DLEU7: variants seen among roughly 807,000 people sequenced by gnomAD.
The protein encoded by DLEU7 is deleted in lymphocytic leukemia 7, also known as leukemia-associated protein 7.
A neutral mutation model predicts 16.0 loss-of-function variants in DLEU7; 17 were observed. The ratio of observed to expected loss-of-function variants is 1.06; its 90% CI spans 0.73 to 1.59. The LOEUF (loss-of-function observed/expected upper bound fraction) is 1.59. Among genes scored for constraint, DLEU7 ranks in the 40% most tolerant of loss-of-function variants. The pLI, the probability that DLEU7 is intolerant of heterozygous loss-of-function variation, is 0.00. For synonymous variants in DLEU7, 113 were observed against 139.8 expected, an observed-to-expected ratio of 0.81 and a Z score of 1.35; for missense variants, 308 against 314.9, an observed-to-expected ratio of 0.98 and a Z score of 0.17.
intron 1 of DLEU7, among the ~76,000 whole-genome samples, chr13:50,751,058 G>A (rs951486612): frequency 2.0e-5 from 3 of 152,154 alleles, no homozygotes; most frequent in African/African-American, 7.2e-5. Flanking sequence ...TCAGTATTAC[G>A]TTGGCTGTGG....
chr13:50,740,471 C>T (rs1277140496), intron 1 of DLEU7, among the ~76,000 whole-genome samples: 14 of 152,152 alleles, frequency 9.2e-5, no homozygotes, highest in Non-Finnish European at 8.8e-5. Context: ...GGAGTTCTGC[C>T]TACTCCCATG....
At chr13:50,790,960 G>A (rs1261855809) in intron 1 of DLEU7, among the ~76,000 whole-genome samples, 2 of 152,172 alleles carry the variant, frequency 1.3e-5, no homozygotes, top group Admixed American at 1.3e-4. Context: ...AAGGTGGCAG[G>A]GAAGGGGACA....
intron 1 of DLEU7, among the ~76,000 whole-genome samples, chr13:50,714,522 T>C (rs1457038825): frequency 6.6e-6 from 1 of 152,220 alleles, no homozygotes; most frequent in Non-Finnish European, 1.5e-5. Context: ...AAAAAAATAT[T>C]GTTAAAAATG....
intron 1 of DLEU7, among the ~76,000 whole-genome samples, chr13:50,718,865 G>C (rs563185643): frequency 3.0e-4 from 46 of 152,278 alleles, no homozygotes; most frequent in African/African-American, 1.0e-3. Flanking sequence ...TTGTGCACAA[G>C]AACAAGAATC....
chr13:50,750,530 T>A (rs1451524060), intron 1 of DLEU7, among the ~76,000 whole-genome samples: 1 of 152,198 alleles, frequency 6.6e-6, no homozygotes, highest in Admixed American at 6.5e-5. Context: ...TTTGGCAGTA[T>A]GGTCATTTTC....
intron 1 of DLEU7, among the ~76,000 whole-genome samples, chr13:50,747,330 C>CTG (rs1758284662): frequency 1.1e-5 from 1 of 93,814 alleles, no homozygotes; most frequent in Non-Finnish European, 2.1e-5. Flanking sequence ...AAAAGAAAAA[C>CTG]TCTGTGTGTG....
At chr13:50,809,581 C>T (rs1876500479) in intron 1 of DLEU7, among the ~76,000 whole-genome samples, 1 of 152,128 alleles carries the variant, frequency 6.6e-6, no homozygotes, top group Non-Finnish European at 1.5e-5. Flanking sequence ...GGTCAGCCAG[C>T]ATGCAATCTT....
intron 1 of DLEU7, among the ~76,000 whole-genome samples, chr13:50,730,454 G>C (rs1873883829): frequency 6.6e-6 from 1 of 152,168 alleles, no homozygotes; most frequent in South Asian, 2.1e-4. Context: ...TTTTGAGTAA[G>C]TTTAAGAATT....
At chr13:50,759,262 TCTGA>T in intron 1 of DLEU7, among the ~76,000 whole-genome samples, 1 of 152,280 alleles carries the variant, frequency 6.6e-6, no homozygotes, top group Middle Eastern at 3.4e-3. Context: ...CACAAAAATA[TCTGA>T]CTGACATAAC....
At chr13:50,719,589 G>A (rs1694547002) in intron 1 of DLEU7, 1 of 152,084 alleles carries the variant, frequency 6.6e-6, no homozygotes, top group Non-Finnish European at 1.5e-5. Flanking sequence ...ATGTGTATTT[G>A]GGTCCCACCT....
intron 1 of DLEU7, among the ~76,000 whole-genome samples, chr13:50,800,509 C>T (rs148623852): frequency 6.6e-6 from 1 of 152,048 alleles, no homozygotes; most frequent in Non-Finnish European, 1.5e-5. Context: ...ACCTATACCC[C>T]CTGGCATTAA....
At chr13:50,837,693 C>T (rs1877517146) in intron 1 of DLEU7, among the ~76,000 whole-genome samples, 1 of 152,178 alleles carries the variant, frequency 6.6e-6, no homozygotes, top group African/African-American at 2.4e-5. Context: ...CAGAAGCTGG[C>T]TTCACTTGTT....
chr13:50,711,639 T>C (rs935116869), downstream of DLEU7: 1 of 152,232 alleles, frequency 6.6e-6, no homozygotes, highest in African/African-American at 2.4e-5. Flanking sequence ...GTGAATGTTC[T>C]GTTTTTCAAT....
chr13:50,842,962 C>A (rs994640493), intron 1 of DLEU7, among the ~76,000 whole-genome samples: 3 of 151,898 alleles, frequency 2.0e-5, no homozygotes, highest in African/African-American at 7.3e-5. Context: ...CCCCACATCT[C>A]GGTTGTGCCA....
chr13:50,714,651 C>T (rs758793779), intron 1 of DLEU7, among the ~76,000 whole-genome samples: 7 of 152,072 alleles, frequency 4.6e-5, no homozygotes, highest in East Asian at 1.9e-4. Flanking sequence ...TTAATGAGGA[C>T]GGCAAGGATT....
intron 1 of DLEU7, among the ~76,000 whole-genome samples, chr13:50,732,628 C>CAAAAAAAAAAAA (rs1279286062): frequency 1.1e-5 from 1 of 95,078 alleles, no homozygotes; most frequent in African/African-American, 5.6e-5. Context: ...AAAAAAAAAG[C>CAAAAAAAAAAAA]TTATGTGCTT....
intron 1 of DLEU7, among the ~76,000 whole-genome samples, chr13:50,717,287 T>C (rs1428782442): frequency 2.0e-5 from 3 of 152,144 alleles, no homozygotes; most frequent in Non-Finnish European, 4.4e-5. Flanking sequence ...TTTATTGGAT[T>C]TTACCAGGAT....
chr13:50,776,904 G>A (rs751687819), intron 1 of DLEU7, among the ~76,000 whole-genome samples: 1 of 152,098 alleles, frequency 6.6e-6, no homozygotes, highest in Non-Finnish European at 1.5e-5. Context: ...TGGCTTATAG[G>A]TTTTGCTTGT....
chr13:50,736,325 G>A (rs530295084), intron 1 of DLEU7, among the ~76,000 whole-genome samples: 1 of 152,142 alleles, frequency 6.6e-6, no homozygotes, highest in Admixed American at 6.6e-5. Context: ...CACGTAAAGG[G>A]GAACAGCAGA....
Sources: allele counts gnomAD v4.1 joint callset (sites outside exome capture counted in the v4.1 genomes callset), GRCh38; gene constraint gnomAD v4.1.1; transcripts MANE v1.5; gene names NCBI Gene and HGNC (gene_info 2026-07-23, HGNC 2026-07-21).